CWF19L2: variants seen among roughly 807,000 people sequenced by gnomAD.
CWF19L2 encodes CWF19-like protein 2.
In CWF19L2, 98 loss-of-function variants were observed where a neutral mutation model predicts 111.7. The observed-to-expected ratio is 0.88, with a 90% CI of 0.75 to 1.04. The LOEUF (loss-of-function observed/expected upper bound fraction) is 1.04. Ranked by LOEUF, CWF19L2 falls within the 50% of genes least tolerant of loss-of-function variation. The pLI is 0.00. For missense variants in CWF19L2, 1,101 were observed against 1,051.4 expected, an observed-to-expected ratio of 1.05 and a Z score of -0.65; for synonymous variants, 351 against 342.9, an observed-to-expected ratio of 1.02 and a Z score of -0.26.
intron 10 of CWF19L2, among the ~76,000 whole-genome samples, chr11:107,396,702 C>A (rs570304027): frequency 6.6e-6 from 1 of 152,112 alleles, no homozygotes; most frequent in South Asian, 2.1e-4. Flanking sequence ...CTGGACAGAG[C>A]AGCATGCAGG....
intron 10 of CWF19L2, among the ~76,000 whole-genome samples, chr11:107,414,375 T>C (rs1376468923): frequency 6.6e-6 from 1 of 152,104 alleles, no homozygotes; most frequent in Non-Finnish European, 1.5e-5. Flanking sequence ...TTCATATACA[T>C]CTAAATCTGT....
chr11:107,446,905 C>T (rs1339711852), intron 3 of CWF19L2, among the ~76,000 whole-genome samples: 1 of 152,138 alleles, frequency 6.6e-6, no homozygotes, highest in Admixed American at 6.5e-5. Flanking sequence ...TTACCTTGAA[C>T]TCATTAACTA....
intron 14 of CWF19L2, among the ~76,000 whole-genome samples, chr11:107,338,090 C>T (rs963245368): frequency 6.6e-6 from 1 of 152,050 alleles, no homozygotes; most frequent in South Asian, 2.1e-4. Context: ...TGTGGTTATG[C>T]TATGTTGCCC....
At position 107,455,741 on chromosome 11, in the gene CWF19L2, T is replaced by C. The variant is rs1482658707; in HGVS notation, c.141A>G (p.Lys47=). The C allele has an allele frequency of 3.2e-6, 5 of 1,551,192 alleles. No homozygotes were observed. Among genetic ancestry groups the C allele is most frequent in the Non-Finnish European group, 4.4e-6 (5 of 1,146,730 alleles). ...CCTCACCCCGAAGTCGCTTAAGTTC[T>C]TTACGCCTTTCTTCTTTTTCAAAAT... ...KANFEKEERR[K]ELKRLRGEDT... is the part of the protein sequence containing the mutation. The change falls in exon 2 of 18, where the codon AAA becomes AAG. Residue 47 remains lysine, a synonymous_variant. Coordinates refer to ENST00000282251, the MANE Select transcript of CWF19L2 (RefSeq NM_152434.3).
intron 8 of CWF19L2, among the ~76,000 whole-genome samples, chr11:107,421,818 T>C (rs758430585): frequency 9.9e-5 from 15 of 152,134 alleles, no homozygotes; most frequent in Admixed American, 3.9e-4. Context: ...TATTTAAACA[T>C]ACAGTTACCA....
intron 12 of CWF19L2, among the ~76,000 whole-genome samples, chr11:107,368,161 T>C (rs1187441435): frequency 7.9e-6 from 1 of 126,136 alleles, no homozygotes; most frequent in Non-Finnish European, 1.7e-5. Flanking sequence ...GATAAAAAGT[T>C]GACTCTGAAA....
intron 17 of CWF19L2, among the ~76,000 whole-genome samples, chr11:107,327,843 A>T (rs2134514715): frequency 6.6e-6 from 1 of 152,322 alleles, no homozygotes; most frequent in East Asian, 1.9e-4. Context: ...AACAAAAAAC[A>T]GACTAAGGAT....
intron 3 of CWF19L2, among the ~76,000 whole-genome samples, chr11:107,443,530 T>C (rs1407400930): frequency 6.6e-6 from 1 of 152,134 alleles, no homozygotes; most frequent in East Asian, 1.9e-4. Context: ...TAGTTTGAGT[T>C]AAGCCCACCA....
At chr11:107,420,264 T>C (rs1861285168) in intron 8 of CWF19L2, among the ~76,000 whole-genome samples, 2 of 152,094 alleles carry the variant, frequency 1.3e-5, no homozygotes, top group Admixed American at 6.6e-5. Flanking sequence ...AAAATTCAAC[T>C]ACAAGAAATG....
chr11:107,401,716 G>A (rs978467538), intron 10 of CWF19L2, among the ~76,000 whole-genome samples: 12 of 151,864 alleles, frequency 7.9e-5, no homozygotes, highest in Admixed American at 5.2e-4. Context: ...ACTCTTCACA[G>A]AATTAGAAAA....
chr11:107,410,894 G>GA (rs1382693730), intron 10 of CWF19L2, among the ~76,000 whole-genome samples: 2 of 152,056 alleles, frequency 1.3e-5, no homozygotes, highest in African/African-American at 4.8e-5. Context: ...CAGAATAATG[G>GA]AAAAAGCACT....
At chr11:107,383,300 C>T (rs1347803308) in intron 12 of CWF19L2, among the ~76,000 whole-genome samples, 3 of 152,086 alleles carry the variant, frequency 2.0e-5, no homozygotes, top group Non-Finnish European at 2.9e-5. Context: ...TGGAATCAGA[C>T]ACTATCTCCA....
intron 14 of CWF19L2, among the ~76,000 whole-genome samples, chr11:107,344,045 T>G (rs1237267136): frequency 1.3e-5 from 2 of 152,020 alleles, no homozygotes; most frequent in Non-Finnish European, 2.9e-5. Flanking sequence ...TGAAACCCAG[T>G]CTACTAAAAA....
chr11:107,336,820 C>T, intron 14 of CWF19L2, 107 bp from the exon 15 acceptor site: 1 of 624,702 alleles, frequency 1.6e-6, no homozygotes, highest in Non-Finnish European at 2.6e-6. Flanking sequence ...AGTACAAATC[C>T]CTTTAAAATG....
chr11:107,427,882 G>A (rs1033329959), intron 8 of CWF19L2, among the ~76,000 whole-genome samples: 3 of 151,842 alleles, frequency 2.0e-5, no homozygotes, highest in South Asian at 2.1e-4. Context: ...CCCTCCCACC[G>A]AAAATTACAC....
intron 10 of CWF19L2, among the ~76,000 whole-genome samples, chr11:107,402,534 C>T (rs1861015677): frequency 1.3e-5 from 2 of 152,026 alleles, no homozygotes; most frequent in Admixed American, 6.6e-5. Context: ...AATGCAATAC[C>T]ACTTTACTCC....
At chr11:107,358,204 T>A (rs961963471) in intron 12 of CWF19L2, among the ~76,000 whole-genome samples, 3 of 152,176 alleles carry the variant, frequency 2.0e-5, no homozygotes, top group Admixed American at 2.0e-4. Flanking sequence ...AACATTTCAA[T>A]ATAGATTAAT....
rs1352939975 is a variant in CWF19L2, at chr11:107,433,880, T to A, written c.665-131A>T. 141 of 122,250 alleles carry A rather than the reference T, an allele frequency of 1.2e-3. 4 individuals are homozygous for A. Among genetic ancestry groups the A allele is most frequent in the Non-Finnish European group, 3.3e-4 (20 of 61,100 alleles). 7.6% of individuals were successfully genotyped at this position (122,250 alleles called of 1,614,324 possible). On this transcript the variant is annotated intron_variant, in intron 6 of 17. Coordinates refer to ENST00000282251, the MANE Select transcript of CWF19L2 (RefSeq NM_152434.3). The stretch of plus-strand genomic sequence containing the variant: ...TAAATATATAAGTGCCTTTGGAATT[T>A]TATATATATATATATATATATATAT...
At position 107,367,448 on chromosome 11, in the gene CWF19L2, C is replaced by G. The variant is rs879724457; in HGVS notation, c.1873-13712G>C. ...AACCCAAATGTCCAACAATGATAGA[C>G]TGGATTAAGAAAATGTGGCACATAT... On this transcript the variant is annotated intron_variant, in intron 12 of 17. Transcript: ENST00000282251. Among the ~76,000 whole-genome samples the G allele has an allele frequency of 3.2e-3, 406 of 127,650 alleles. 63 individuals carry two copies. The highest frequency in any genetic ancestry group is 4.8e-3 in the Admixed American group (62 of 12,978). The allele number at this position is 127,650 out of a possible 152,430, so 83.7% of individuals were successfully genotyped here. A position where few individuals can be genotyped will look rare whatever the true frequency, so the allele number is the denominator to read the frequency against.
Sources: gnomAD v4.1 joint callset for allele counts (sites outside exome capture counted in the v4.1 genomes callset) on GRCh38, gnomAD v4.1.1 for gene constraint, MANE v1.5 for transcripts, NCBI Gene and HGNC (gene_info 2026-07-23, HGNC 2026-07-21) for gene names.